CHN2: variants seen among roughly 807,000 people sequenced by gnomAD.
The protein encoded by CHN2 is chimerin 2, also known as beta-chimaerin.
A neutral mutation model predicts 56.3 loss-of-function variants in CHN2; 35 were observed. The ratio of observed to expected loss-of-function variants is 0.62; its 90% confidence interval spans 0.47 to 0.82. The LOEUF is 0.82. CHN2 is among the 40% of genes least tolerant of loss of function. The probability of loss-of-function intolerance (pLI) is 0.00; values close to 1 mark genes in which losing one functional copy is unlikely to be tolerated. For missense variants in CHN2, 491 were observed against 580.5 expected (o/e 0.85, Z 1.58); for synonymous variants, 210 against 212.8 (o/e 0.99, Z 0.12).
chr7:29,328,983 A>G (rs1286392018), intron 1 of CHN2, among the ~76,000 whole-genome samples: 1 of 152,218 alleles, frequency 6.6e-6, no homozygotes, highest in Non-Finnish European at 1.5e-5. Context: ...TTGGGGCACC[A>G]TTAACTGATT....
intron 3 of CHN2, among the ~76,000 whole-genome samples, chr7:29,387,901 C>T (rs1801048544): frequency 6.6e-6 from 1 of 152,010 alleles, no homozygotes; most frequent in Non-Finnish European, 1.5e-5. Context: ...TAATGAAATT[C>T]CTATTTATTC....
At chr7:29,216,033 G>A (rs371410988) in intron 1 of CHN2, among the ~76,000 whole-genome samples, 2 of 152,108 alleles carry the variant, frequency 1.3e-5, no homozygotes, top group African/African-American at 4.8e-5. Flanking sequence ...GCAAGCTGTC[G>A]AGTAGAAATG....
rs180809660 is a variant in CHN2 at position 29,347,683 on chromosome 7, A to G, written c.50-6942A>G. Among the ~76,000 whole-genome samples the G allele has an allele frequency of 2.4e-3, 368 of 152,326 alleles. 1 individual carries two copies. The highest frequency in any genetic ancestry group is 0.01 in the Middle Eastern group (3 of 294). On this transcript the variant is annotated intron_variant, in intron 1 of 12. Transcript: ENST00000222792. ...TTACAGTTTTCAAGATGAAACTTGA[A>G]TTGACGCAGACCGAAGCCATATCAT...
At chr7:29,370,064 G>C (rs188979022) in intron 3 of CHN2, among the ~76,000 whole-genome samples, 93 of 152,288 alleles carry the variant, frequency 6.1e-4, no homozygotes, top group Non-Finnish European at 1.3e-4. Context: ...ATAGTAACAG[G>C]TCAAGTTTGC....
chr7:29,458,656 T>A (rs934833229), intron 6 of CHN2, among the ~76,000 whole-genome samples: 5 of 152,162 alleles, frequency 3.3e-5, no homozygotes, highest in Admixed American at 3.3e-4. Context: ...TATATCAGAT[T>A]ACTTGGCCAA....
At chr7:29,259,319 C>T (rs1246949478) in intron 1 of CHN2, among the ~76,000 whole-genome samples, 1 of 102,814 alleles carries the variant, frequency 9.7e-6, no homozygotes, top group Admixed American at 1.1e-4. Context: ...GGACTGAGAC[C>T]TTGTCTCAAA....
At chr7:29,298,650 G>T (rs1420270745) in intron 1 of CHN2, among the ~76,000 whole-genome samples, 2 of 152,210 alleles carry the variant, frequency 1.3e-5, no homozygotes, top group African/African-American at 4.8e-5. Context: ...ATTAGCAGGA[G>T]AATTGCTTAG....
rs191086519 is a variant in CHN2 at position 29,234,113 on chromosome 7, G to C, written c.49+39123G>C. Among the ~76,000 whole-genome samples, 967 of 151,642 alleles carry C rather than the reference G, an allele frequency of 6.4e-3. 14 individuals are homozygous for C. The highest frequency in any genetic ancestry group is 0.022 in the African/African-American group (921 of 41,314). ...CTCCCAAAGTGCTGGGATTACAGGCGTGAGCCACCGCGCCCGGCCAACACC... is the reference window on the plus strand; with the variant it reads ...CTCCCAAAGTGCTGGGATTACAGGCCTGAGCCACCGCGCCCGGCCAACACC... On this transcript the variant is annotated intron_variant, in intron 1 of 12. Coordinates refer to ENST00000222792, the MANE Select transcript of CHN2 (RefSeq NM_004067.4).
intron 1 of CHN2, chr7:29,213,106 G>T (rs1785079874): frequency 3.1e-6 from 5 of 1,597,028 alleles, no homozygotes; most frequent in Non-Finnish European, 4.3e-6. Flanking sequence ...CTTGGAAGCT[G>T]CAGGGGAAGG....
At chr7:29,387,088 A>G (rs1800970701) in intron 3 of CHN2, among the ~76,000 whole-genome samples, 2 of 152,192 alleles carry the variant, frequency 1.3e-5, no homozygotes, top group African/African-American at 4.8e-5. Context: ...TCTTTAAAAT[A>G]ACAGCACTCA....
At chr7:29,477,007 A>G (rs1463349929) in intron 6 of CHN2, among the ~76,000 whole-genome samples, 2 of 152,220 alleles carry the variant, frequency 1.3e-5, no homozygotes, top group Non-Finnish European at 2.9e-5. Context: ...AGAGAACACT[A>G]TATTAGACAT....
intron 1 of CHN2, among the ~76,000 whole-genome samples, chr7:29,301,855 T>C (rs879579252): frequency 2.6e-5 from 4 of 152,292 alleles, no homozygotes; most frequent in African/African-American, 9.6e-5. Context: ...GGAAAAAAAT[T>C]TACAGAAATC....
chr7:29,416,269 G>A (rs908201109), intron 6 of CHN2, among the ~76,000 whole-genome samples: 3 of 152,092 alleles, frequency 2.0e-5, no homozygotes, highest in African/African-American at 7.2e-5. Context: ...TATCTCTGTT[G>A]AATTTTATCA....
chr7:29,490,438 A>G (rs904090070), intron 7 of CHN2, among the ~76,000 whole-genome samples: 1 of 152,198 alleles, frequency 6.6e-6, no homozygotes, highest in African/African-American at 2.4e-5. Flanking sequence ...ATTCTTGTAG[A>G]TAATGAGATC....
intron 1 of CHN2, among the ~76,000 whole-genome samples, chr7:29,328,563 T>C (rs1265644899): frequency 1.3e-5 from 2 of 152,104 alleles, no homozygotes; most frequent in Non-Finnish European, 2.9e-5. Context: ...AGTTTTTATT[T>C]TGTATATTAT....
intron 1 of CHN2, among the ~76,000 whole-genome samples, chr7:29,246,845 A>G (rs941306972): frequency 3.9e-5 from 6 of 152,118 alleles, no homozygotes; most frequent in Non-Finnish European, 5.9e-5. Context: ...GGCTGCTTTT[A>G]TAGGCACTAA....
At chr7:29,361,059 T>A (rs1798694290) in intron 2 of CHN2, among the ~76,000 whole-genome samples, 1 of 152,224 alleles carries the variant, frequency 6.6e-6, no homozygotes, top group Admixed American at 6.5e-5. Flanking sequence ...GGCCCGGGGC[T>A]GGGAATTCCT....
chr7:29,256,861 A>G (rs1789121005), intron 1 of CHN2, among the ~76,000 whole-genome samples: 1 of 152,148 alleles, frequency 6.6e-6, no homozygotes, highest in South Asian at 2.1e-4. Context: ...TCTGTTAACC[A>G]AAGACCTTGT....
intron 2 of CHN2, among the ~76,000 whole-genome samples, chr7:29,160,257 G>A (rs959313672): frequency 2.6e-5 from 4 of 152,178 alleles, no homozygotes; most frequent in Non-Finnish European, 5.9e-5. Flanking sequence ...TGTTCACGGT[G>A]ACAGACATGA....
Sources: gnomAD v4.1 joint callset for allele counts (sites outside exome capture counted in the v4.1 genomes callset) on GRCh38, gnomAD v4.1.1 for gene constraint, MANE v1.5 for transcripts, NCBI Gene and HGNC (gene_info 2026-07-23, HGNC 2026-07-21) for gene names.